Variants in ADAMTS9 observed in about 807,000 individuals in gnomAD.
The protein encoded by ADAMTS9 is A disintegrin and metalloproteinase with thrombospondin motifs 9.
ADAMTS9 carries 107 observed loss-of-function variants against 257.1 expected under a neutral mutation model. The observed-to-expected ratio is 0.42, with a 90% CI of 0.36 to 0.49. The LOEUF (loss-of-function observed/expected upper bound fraction) is 0.49. ADAMTS9 is among the 20% of genes least tolerant of loss of function. The pLI is 0.03. For synonymous variants in ADAMTS9, 982 were observed against 880.9 expected, an observed-to-expected ratio of 1.11 and a Z score of -2.03; for missense variants, 2,353 against 2,469.1, an observed-to-expected ratio of 0.95 and a Z score of 1.00.
chr3:64,544,591 T>C (rs1266298161), intron 32 of ADAMTS9, among the ~76,000 whole-genome samples: 5 of 152,184 alleles, frequency 3.3e-5, no homozygotes, highest in Non-Finnish European at 7.4e-5. Context: ...ATCCCTTCCT[T>C]ATATCTGATA....
chr3:64,606,724 A>G (rs539389977), intron 23 of ADAMTS9, among the ~76,000 whole-genome samples: 1 of 152,320 alleles, frequency 6.6e-6, no homozygotes, highest in African/African-American at 2.4e-5. Flanking sequence ...AACATTCATC[A>G]TCCAATAGGA....
At chr3:64,651,411 C>G (rs768777038) in intron 8 of ADAMTS9, among the ~76,000 whole-genome samples, 52 of 152,130 alleles carry the variant, frequency 3.4e-4, no homozygotes, top group Non-Finnish European at 6.2e-4. Flanking sequence ...GCAGGCTGGC[C>G]CATGTATTTG....
At chr3:64,639,417 T>C (rs1262005706) in intron 12 of ADAMTS9, among the ~76,000 whole-genome samples, 4 of 150,954 alleles carry the variant, frequency 2.6e-5, no homozygotes, top group Admixed American at 1.3e-4. Flanking sequence ...AGGATCTTTG[T>C]TGCACTTTGA....
chr3:64,665,719 A>G (rs1048931998), intron 3 of ADAMTS9, among the ~76,000 whole-genome samples: 1 of 152,156 alleles, frequency 6.6e-6, no homozygotes, highest in African/African-American at 2.4e-5. Context: ...CTGACATCCA[A>G]CTTTTTAATA....
chr3:64,612,710 AT>A (rs2106836334), intron 22 of ADAMTS9, among the ~76,000 whole-genome samples: 1 of 152,276 alleles, frequency 6.6e-6, no homozygotes, highest in African/African-American at 2.4e-5. Flanking sequence ...CTGCTTCTAT[AT>A]TAGGAAGGAC....
At chr3:64,623,457 T>C (rs1700155667) in intron 16 of ADAMTS9, among the ~76,000 whole-genome samples, 1 of 152,210 alleles carries the variant, frequency 6.6e-6, no homozygotes, top group South Asian at 2.1e-4. Flanking sequence ...AGTCTTCAGA[T>C]AATACTACAT....
chr3:64,663,578 A>T (rs1701277538), intron 3 of ADAMTS9, among the ~76,000 whole-genome samples: 1 of 152,084 alleles, frequency 6.6e-6, no homozygotes, highest in African/African-American at 2.4e-5. Context: ...ATGGAAACAA[A>T]GTATACTTAT....
intron 13 of ADAMTS9, 27 bp downstream of exon 13, chr3:64,633,671 G>A: frequency 5.6e-6 from 9 of 1,613,748 alleles, no homozygotes; most frequent in South Asian, 1.1e-5. Flanking sequence ...CCGGCCAACG[G>A]TGAACAGATA....
At chr3:64,590,638 T>C (rs533165369) in intron 28 of ADAMTS9, among the ~76,000 whole-genome samples, 1 of 152,238 alleles carries the variant, frequency 6.6e-6, no homozygotes, top group African/African-American at 2.4e-5. Flanking sequence ...ACATTTTCTC[T>C]TCCTACCTAC....
chr3:64,660,858 G>C (rs1701204336), intron 3 of ADAMTS9, among the ~76,000 whole-genome samples: 1 of 152,158 alleles, frequency 6.6e-6, no homozygotes, highest in Admixed American at 6.6e-5. Flanking sequence ...TAAGGTCTAT[G>C]ATAAGAACAA....
In ADAMTS9 at chr3:64,568,591, A is replaced by G. The variant is rs2083599594; in HGVS notation, c.4357-56T>C. The G allele has an allele frequency of 6.9e-6, 11 of 1,591,284 alleles. No individual in the cohort carries two copies. In the Admixed American group the frequency reaches 1.8e-4, roughly 27 times the overall value. ...TTGTTTTTTAATTACACGGAGTTTGAGAAAAAACCTGCGTCTTGAGATGTT... is the reference window on the plus strand; with the variant it reads ...TTGTTTTTTAATTACACGGAGTTTGGGAAAAAACCTGCGTCTTGAGATGTT... On this transcript the variant is annotated intron_variant, in intron 28 of 39. Transcript: ENST00000498707.
In ADAMTS9 at chr3:64,683,997, A is replaced by G. The variant is rs948190625; in HGVS notation, c.516+2571T>C. ...ATATAAATTATATACACCTCCAAAG[A>G]AGGGTAGGATTTGAGCATGTGAAGA... is the stretch of plus-strand genomic sequence containing the variant. On this transcript the variant is annotated intron_variant, in intron 2 of 39. Transcript: ENST00000498707. 2.0e-5 allele frequency among the ~76,000 whole-genome samples: 3 copies of G among 152,242 alleles called. No individual in the cohort carries two copies. The South Asian group carries it at 6.2e-4, about 32-fold the overall frequency.
rs550256501 is a variant in ADAMTS9, at chr3:64,547,042, G to A, written c.4870-90C>T. On this transcript the variant is annotated intron_variant, in intron 31 of 39. Transcript: ENST00000498707. ...CTGACCTCCACACCAAGCGCTGACC[G>A]TGTGACTATGCTGCAGAAAGCTCCC... 2.1e-4 allele frequency: 242 copies of A among 1,145,054 alleles called. 2 individuals are homozygous for A. In the African/African-American group the frequency reaches 2.9e-3, roughly 14 times the overall value. The allele number at this position is 1,145,054 out of a possible 1,614,324, so 70.9% of individuals were successfully genotyped here. A position where few individuals can be genotyped will look rare whatever the true frequency, so the allele number is the denominator to read the frequency against.
At chr3:64,678,155 G>C (rs2107038134) in intron 3 of ADAMTS9, among the ~76,000 whole-genome samples, 1 of 152,306 alleles carries the variant, frequency 6.6e-6, no homozygotes, top group Admixed American at 6.5e-5. Flanking sequence ...GGAAGGTTCG[G>C]ATGGGTTGGT....
chr3:64,549,979 G>C (rs928930306), intron 31 of ADAMTS9, among the ~76,000 whole-genome samples: 1 of 148,244 alleles, frequency 6.7e-6, no homozygotes, highest in African/African-American at 2.6e-5. Context: ...AAGAGACCCA[G>C]TGGCAGCAAT....
chr3:64,531,791 T>C (rs921493305), intron 38 of ADAMTS9, among the ~76,000 whole-genome samples: 19 of 152,320 alleles, frequency 1.2e-4, no homozygotes, highest in African/African-American at 4.6e-4. Flanking sequence ...AACCCTACTT[T>C]CCCAGCTCTC....
At chr3:64,628,146 A>G (rs1700272630) in intron 16 of ADAMTS9, among the ~76,000 whole-genome samples, 2 of 152,176 alleles carry the variant, frequency 1.3e-5, no homozygotes, top group Non-Finnish European at 2.9e-5. Flanking sequence ...CTATTCCGTT[A>G]AAGTGTCATA....
chr3:64,638,517 AG>A (rs1303355861), intron 12 of ADAMTS9, among the ~76,000 whole-genome samples: 15 of 152,192 alleles, frequency 9.9e-5, no homozygotes, highest in African/African-American at 3.4e-4. Context: ...TAATTCCTTC[AG>A]GGCAACAGAT....
intron 2 of ADAMTS9, among the ~76,000 whole-genome samples, chr3:64,682,571 C>T (rs1056808307): frequency 2.0e-5 from 3 of 152,240 alleles, no homozygotes; most frequent in Non-Finnish European, 4.4e-5. Context: ...TCAAGCTCCA[C>T]TCTTCTCCTC....
Sources: gnomAD v4.1 joint callset for allele counts (sites outside exome capture counted in the v4.1 genomes callset) on GRCh38, gnomAD v4.1.1 for gene constraint, MANE v1.5 for transcripts, NCBI Gene and HGNC (gene_info 2026-07-23, HGNC 2026-07-21) for gene names.